Variants in SERPINI2 observed in about 807,000 individuals in gnomAD.
The protein encoded by SERPINI2 is serpin family I member 2, also known as serpin I2.
Under a neutral mutation model 47.3 loss-of-function variants are expected in SERPINI2, and 48 were observed. The observed-to-expected ratio is 1.02, with a 90% CI of 0.81 to 1.29. The LOEUF is 1.29. Among genes scored for constraint, SERPINI2 ranks in the 50% most tolerant of loss-of-function variants. The pLI is 0.00. For missense variants in SERPINI2, 448 were observed against 456.9 expected, an observed-to-expected ratio of 0.98 and a Z score of 0.18; for synonymous variants, 135 against 149.3, an observed-to-expected ratio of 0.90 and a Z score of 0.70.
At chr3:167,469,817 T>G (rs1472339032) in intron 2 of SERPINI2, among the ~76,000 whole-genome samples, 1 of 152,160 alleles carries the variant, frequency 6.6e-6, no homozygotes, top group Non-Finnish European at 1.5e-5. Context: ...CTTATATTCT[T>G]AATCCTCACT....
intron 5 of SERPINI2, among the ~76,000 whole-genome samples, chr3:167,456,635 G>C (rs1301910193): frequency 2.6e-5 from 4 of 152,098 alleles, no homozygotes; most frequent in African/African-American, 9.7e-5. Flanking sequence ...CCTGTTTTCA[G>C]ACGTCTGGCT....
intron 5 of SERPINI2, among the ~76,000 whole-genome samples, chr3:167,455,844 T>C (rs1749774400): frequency 6.6e-6 from 1 of 152,014 alleles, no homozygotes; most frequent in South Asian, 2.1e-4. Context: ...CTACACACTT[T>C]TGAACAACCA....
chr3:167,446,256 T>A (rs28544123), intron 8 of SERPINI2, 136 bp downstream of exon 8: 76,750 of 562,064 alleles, frequency 0.14, 8,334 homozygotes, highest in African/African-American at 0.39. Context: ...AAAATACAAT[T>A]CCTGGTATAT....
chr3:167,475,450 T>C (rs534363998), upstream of SERPINI2, among the ~76,000 whole-genome samples: 2 of 151,776 alleles, frequency 1.3e-5, no homozygotes, highest in South Asian at 4.1e-4. Flanking sequence ...CCATTACTTT[T>C]CCTACCAATG....
chr3:167,473,926 A>T, intron 1 of SERPINI2, 77 bp downstream of exon 1: 3 of 1,178,570 alleles, frequency 2.5e-6, no homozygotes, highest in Non-Finnish European at 3.2e-6. Context: ...ATGCCATTCC[A>T]TACTCTACTA....
chr3:167,466,400 C>G lies in SERPINI2; in HGVS notation c.478+655G>C, dbSNP rs903620700. Among the ~76,000 whole-genome samples, 91 of 152,236 alleles carry G rather than the reference C, an allele frequency of 6.0e-4. 1 individual carries two copies. The highest frequency in any genetic ancestry group is 2.1e-3 in the African/African-American group (88 of 41,552). ...GAAACAAAGTACTATTAATTGAGGG[C>G]TTGGTATATGCTTGTCACTTCACAT... On this transcript the variant is annotated intron_variant, in intron 3 of 8. Transcript: ENST00000264677.
intron 8 of SERPINI2, among the ~76,000 whole-genome samples, chr3:167,446,046 C>T (rs1041968036): frequency 6.6e-6 from 1 of 152,178 alleles, no homozygotes; most frequent in Non-Finnish European, 1.5e-5. Context: ...CCTTTATTCC[C>T]ACTCTGACAC....
At chr3:167,465,256 T>C (rs1348709407) in exon 5 of SERPINI2, 3 of 1,612,196 alleles carry the variant, frequency 1.9e-6, no homozygotes, top group Non-Finnish European at 1.7e-6. Context: ...AGAGCCATTT[T>C]AGGATTTGTT....
chr3:167,462,771 C>T (rs981394316), intron 5 of SERPINI2, among the ~76,000 whole-genome samples: 4 of 152,006 alleles, frequency 2.6e-5, no homozygotes, highest in South Asian at 2.1e-4. Flanking sequence ...CAAGGCCAAA[C>T]GTTCAAAGTT....
chr3:167,476,837 G>T (rs536477885), upstream of SERPINI2, among the ~76,000 whole-genome samples: 1 of 151,982 alleles, frequency 6.6e-6, no homozygotes, highest in Non-Finnish European at 1.5e-5. Flanking sequence ...TTACATGAGG[G>T]ATGGACGGAT....
chr3:167,458,334 T>C (rs565020717), intron 5 of SERPINI2, among the ~76,000 whole-genome samples: 8 of 145,848 alleles, frequency 5.5e-5, no homozygotes, highest in African/African-American at 2.0e-4. Flanking sequence ...CTCTGCAAGC[T>C]CCGCCTCCCA....
chr3:167,455,280 G>T (rs192274344), intron 5 of SERPINI2, among the ~76,000 whole-genome samples: 17 of 152,336 alleles, frequency 1.1e-4, no homozygotes, highest in Non-Finnish European at 2.9e-5. Flanking sequence ...GTTTAAAAGA[G>T]AGTAATTCAC....
At chr3:167,456,497 G>A (rs184753609) in intron 5 of SERPINI2, among the ~76,000 whole-genome samples, 35 of 152,288 alleles carry the variant, frequency 2.3e-4, no homozygotes, top group Admixed American at 2.3e-3. Flanking sequence ...TTTATGTCCT[G>A]TGGTAAGTGT....
chr3:167,476,779 T>A (rs754436367), upstream of SERPINI2, among the ~76,000 whole-genome samples: 1 of 152,052 alleles, frequency 6.6e-6, no homozygotes, highest in Non-Finnish European at 1.5e-5. Flanking sequence ...TCTATTTATA[T>A]GTGAATACCC....
upstream of SERPINI2, among the ~76,000 whole-genome samples, chr3:167,476,592 T>C (rs1577182299): frequency 6.6e-6 from 1 of 152,148 alleles, no homozygotes; most frequent in African/African-American, 2.4e-5. Context: ...AACAAAGTTA[T>C]CTTCAAGGGT....
At chr3:167,461,116 T>C (rs1008825023) in intron 5 of SERPINI2, among the ~76,000 whole-genome samples, 2 of 152,154 alleles carry the variant, frequency 1.3e-5, no homozygotes, top group East Asian at 1.9e-4. Context: ...GGAGGATTAA[T>C]GGGAACTTAT....
intron 1 of SERPINI2, chr3:167,473,776 A>G (rs1750406126): frequency 1.4e-6 from 2 of 1,470,096 alleles, no homozygotes; most frequent in South Asian, 1.4e-5. Context: ...GAAAGCACAA[A>G]GTAATGCTGA....
chr3:167,455,744 T>A (rs1192010964), intron 5 of SERPINI2, among the ~76,000 whole-genome samples: 2 of 152,018 alleles, frequency 1.3e-5, no homozygotes, highest in African/African-American at 4.8e-5. Context: ...CAGGGAGGTA[T>A]CAGGAAACTT....
intron 1 of SERPINI2, among the ~76,000 whole-genome samples, chr3:167,472,152 GTT>G (rs776376469): frequency 1.2e-4 from 19 of 152,114 alleles, no homozygotes; most frequent in Non-Finnish European, 2.6e-4. Context: ...TTATACAATA[GTT>G]TTTTTCTATC....
Sources: gnomAD v4.1 joint callset for allele counts (sites outside exome capture counted in the v4.1 genomes callset) on GRCh38, gnomAD v4.1.1 for gene constraint, MANE v1.5 for transcripts, NCBI Gene and HGNC (gene_info 2026-07-23, HGNC 2026-07-21) for gene names.